The following IQGAP2 variants were observed in gnomAD, a reference collection of about 807,000 sequenced individuals.
IQGAP2 encodes ras GTPase-activating-like protein IQGAP2.
A neutral mutation model predicts 201.3 loss-of-function variants in IQGAP2; 173 were observed. The observed-to-expected ratio is 0.86, with a 90% CI of 0.76 to 0.98. The LOEUF (loss-of-function observed/expected upper bound fraction) is 0.98. Ranked by LOEUF, IQGAP2 falls within the 50% of genes least tolerant of loss-of-function variation. IQGAP2 has a pLI of 0.00. For missense variants in IQGAP2, 1,687 were observed against 1,864.8 expected (o/e 0.90, Z 1.76); for synonymous variants, 675 against 673.9 (o/e 1.00, Z -0.03).
At chr5:76,489,888 T>A (rs1280491748) in intron 2 of IQGAP2, among the ~76,000 whole-genome samples, 1 of 152,212 alleles carries the variant, frequency 6.6e-6, no homozygotes, top group Admixed American at 6.5e-5. Context: ...GTCAGACACA[T>A]ACACTCCACG....
chr5:76,619,644 G>A (rs1749416466), intron 13 of IQGAP2, among the ~76,000 whole-genome samples: 1 of 150,816 alleles, frequency 6.6e-6, no homozygotes, highest in South Asian at 2.1e-4. Flanking sequence ...AGCCTCCCCA[G>A]TAGCTGGGAC....
At chr5:76,408,476 C>A (rs907120851) in intron 1 of IQGAP2, among the ~76,000 whole-genome samples, 1 of 152,204 alleles carries the variant, frequency 6.6e-6, no homozygotes, top group African/African-American at 2.4e-5. Flanking sequence ...AACTTGAAAG[C>A]AGCACTGTCA....
At chr5:76,456,251 G>A (rs1426835303) in intron 1 of IQGAP2, among the ~76,000 whole-genome samples, 1 of 152,158 alleles carries the variant, frequency 6.6e-6, no homozygotes, top group Admixed American at 6.6e-5. Flanking sequence ...TAACATGGGG[G>A]TGGCAGTCTC....
intron 2 of IQGAP2, among the ~76,000 whole-genome samples, chr5:76,505,188 C>T (rs1479490383): frequency 1.4e-5 from 2 of 147,490 alleles, no homozygotes; most frequent in Non-Finnish European, 2.9e-5. Context: ...CTAGGGCAGA[C>T]CCCTCACCAG....
intron 3 of IQGAP2, among the ~76,000 whole-genome samples, chr5:76,564,375 A>G (rs963487745): frequency 1.3e-5 from 2 of 152,234 alleles, no homozygotes; most frequent in East Asian, 1.9e-4. Flanking sequence ...GTTAAAGCGT[A>G]GTTGGGGTAG....
chr5:76,607,925 G>C (rs1384652610), intron 12 of IQGAP2: 1 of 152,248 alleles, frequency 6.6e-6, no homozygotes, highest in Non-Finnish European at 1.5e-5. Context: ...CAATACCCAT[G>C]CTTCAGTTCT....
chr5:76,603,710 A>G (rs1054658618), intron 11 of IQGAP2, among the ~76,000 whole-genome samples: 4 of 152,208 alleles, frequency 2.6e-5, no homozygotes, highest in East Asian at 1.9e-4. Context: ...AGTGCCTGCC[A>G]TGTTTTACAT....
chr5:76,695,640 C>G lies in IQGAP2; in HGVS notation c.4180C>G (p.Gln1394Glu), dbSNP rs1176476519. Residue 1394 changes from glutamine (Q) to glutamate (E), a missense_variant, in exon 32 of 36, where the codon CAA (glutamine) becomes GAA (glutamate). Transcript: ENST00000274364. ...TGHVSSENKY[Q>E]DILNEIAKDI... ...ACACGTGTCATCCGAAAATAAATAC[C>G]AAGACATTCTCAATGAGATTGCCAA... is the stretch of plus-strand genomic sequence containing the variant. 2 of 1,613,790 alleles carry G rather than the reference C, an allele frequency of 1.2e-6. No individual in the cohort carries two copies. The highest frequency in any genetic ancestry group is 1.7e-6 in the Non-Finnish European group (2 of 1,179,898).
At chr5:76,530,044 C>G (rs1759203478) in intron 2 of IQGAP2, among the ~76,000 whole-genome samples, 1 of 152,128 alleles carries the variant, frequency 6.6e-6, no homozygotes, top group African/African-American at 2.4e-5. Flanking sequence ...TTTGATTAGT[C>G]TGTAACAGCA....
intron 2 of IQGAP2, among the ~76,000 whole-genome samples, chr5:76,543,339 T>C (rs1049223133): frequency 2.6e-5 from 4 of 152,194 alleles, no homozygotes; most frequent in Non-Finnish European, 2.9e-5. Context: ...CTCTGTGTGG[T>C]CGCTAATGAC....
chr5:76,562,103 T>C (rs1314760048), intron 2 of IQGAP2, among the ~76,000 whole-genome samples: 1 of 152,202 alleles, frequency 6.6e-6, no homozygotes, highest in Non-Finnish European at 1.5e-5. Flanking sequence ...TGGTTTGGCC[T>C]TTTCCTTCTT....
intron 1 of IQGAP2, among the ~76,000 whole-genome samples, chr5:76,458,724 T>C (rs13153602): frequency 0.22 from 34,183 of 152,148 alleles, 4,142 homozygotes; most frequent in African/African-American, 0.31. Context: ...ACATAGAACC[T>C]ACGAATTGAA....
At chr5:76,543,173 G>A (rs1232559953) in intron 2 of IQGAP2, among the ~76,000 whole-genome samples, 1 of 152,044 alleles carries the variant, frequency 6.6e-6, no homozygotes, top group African/African-American at 2.4e-5. Context: ...GAACACCCTC[G>A]CAGCATGATT....
At chr5:76,495,411 C>T (rs1398217913) in intron 2 of IQGAP2, among the ~76,000 whole-genome samples, 1 of 152,192 alleles carries the variant, frequency 6.6e-6, no homozygotes, top group Non-Finnish European at 1.5e-5. Context: ...GACAGAATTG[C>T]TCAGGTGACT....
In IQGAP2 at chr5:76,683,285, G is replaced by A. The variant is rs550166172; in HGVS notation, c.3763+68G>A. On this transcript the variant is annotated intron_variant, in intron 29 of 35. Coordinates refer to ENST00000274364, the MANE Select transcript of IQGAP2 (RefSeq NM_006633.5). ...ATTGGGTGGGTTGGTTGGTTGGTTC[G>A]TTGGTTTTCCTATCCTAGATAAAAC... 1.5e-4 allele frequency: 154 copies of A among 1,053,610 alleles called. No homozygotes were observed. In the South Asian group the frequency reaches 1.8e-3, roughly 12 times the overall value. 65.3% of individuals were successfully genotyped at this position (1,053,610 alleles called of 1,614,324 possible). A position where few individuals can be genotyped will look rare whatever the true frequency, so the allele number is the denominator to read the frequency against.
intron 1 of IQGAP2, among the ~76,000 whole-genome samples, chr5:76,413,607 G>A (rs1041877327): frequency 7.8e-6 from 1 of 127,570 alleles, no homozygotes; most frequent in South Asian, 2.6e-4. Context: ...ATTGTTTCCA[G>A]ATATAGCCGA....
chr5:76,468,016 A>G (rs1311755501), intron 2 of IQGAP2, among the ~76,000 whole-genome samples: 2 of 152,204 alleles, frequency 1.3e-5, no homozygotes, highest in African/African-American at 4.8e-5. Flanking sequence ...TGATAAAAAT[A>G]TTCTAAAATT....
At chr5:76,504,941 C>T (rs66732343) in intron 2 of IQGAP2, among the ~76,000 whole-genome samples, 14 of 151,924 alleles carry the variant, frequency 9.2e-5, no homozygotes, top group African/African-American at 3.4e-4. Flanking sequence ...GACCCTCCTC[C>T]CCTTAGAGGC....
intron 15 of IQGAP2, among the ~76,000 whole-genome samples, chr5:76,635,428 C>T (rs13173162): frequency 0.36 from 54,172 of 152,008 alleles, 9,664 homozygotes; most frequent in East Asian, 0.4. Flanking sequence ...GTTCAAGTGA[C>T]GGGAGAAACA....
Sources: allele counts gnomAD v4.1 joint callset (sites outside exome capture counted in the v4.1 genomes callset), GRCh38; gene constraint gnomAD v4.1.1; transcripts MANE v1.5; gene names NCBI Gene and HGNC (gene_info 2026-07-23, HGNC 2026-07-21).